RHOU: variants seen among roughly 807,000 people sequenced by gnomAD.
RHOU encodes the protein ras homolog family member U.
A neutral mutation model predicts 12.6 loss-of-function variants in RHOU; 8 were observed. That is an observed-to-expected ratio of 0.64 (90% CI 0.37 to 1.15). The LOEUF (loss-of-function observed/expected upper bound fraction) is 1.15, where lower values mean the gene tolerates loss of function less well. Ranked by LOEUF, RHOU falls within the 50% of genes most tolerant of loss-of-function variation. The pLI is 0.01. For missense variants in RHOU, 258 were observed against 347.0 expected, an observed-to-expected ratio of 0.74 and a Z score of 2.04; for synonymous variants, 161 against 147.4, an observed-to-expected ratio of 1.09 and a Z score of -0.67.
At chr1:228,690,820 G>T in the RHOU span, among the ~76,000 whole-genome samples, 1 of 151,366 alleles carries the variant, frequency 6.6e-6, no homozygotes, top group Non-Finnish European at 1.5e-5. Flanking sequence ...GTTTCACCAT[G>T]TTGGGCAGGC....
chr1:228,713,076 C>T, the RHOU span, among the ~76,000 whole-genome samples: 1 of 151,988 alleles, frequency 6.6e-6, no homozygotes, highest in African/African-American at 2.4e-5. Context: ...TGACCCATTT[C>T]CTGGCATACA....
chr1:228,700,221 G>T, the RHOU span, among the ~76,000 whole-genome samples: 8 of 152,328 alleles, frequency 5.3e-5, no homozygotes, highest in Non-Finnish European at 8.8e-5. Flanking sequence ...TATTAGATAA[G>T]TTATCATAAG....
At chr1:228,647,660 G>C in the RHOU span, among the ~76,000 whole-genome samples, 1 of 152,204 alleles carries the variant, frequency 6.6e-6, no homozygotes, top group Non-Finnish European at 1.5e-5. Flanking sequence ...CACCGCGAAC[G>C]GCAGGGAATC....
the RHOU span, among the ~76,000 whole-genome samples, chr1:228,672,404 C>T: frequency 0.11 from 16,474 of 152,226 alleles, 1,229 homozygotes; most frequent in Non-Finnish European, 0.16. Context: ...CTCAGATGGT[C>T]CACCTGCTTC....
the RHOU span, among the ~76,000 whole-genome samples, chr1:228,673,881 T>A: frequency 5.9e-5 from 9 of 152,246 alleles, no homozygotes; most frequent in Non-Finnish European, 1.0e-4. Context: ...CACATGTGAA[T>A]ACATTTCTAT....
the RHOU span, among the ~76,000 whole-genome samples, chr1:228,720,228 G>T: frequency 6.6e-6 from 1 of 152,132 alleles, no homozygotes; most frequent in East Asian, 1.9e-4. Flanking sequence ...AGTTTTTTGT[G>T]TGTGTACAAA....
the RHOU span, among the ~76,000 whole-genome samples, chr1:228,709,705 C>G: frequency 6.7e-6 from 1 of 148,670 alleles, no homozygotes; most frequent in Non-Finnish European, 1.5e-5. Context: ...CAAGAGAAAG[C>G]AGGAAAGATC....
At chr1:228,691,102 T>C in the RHOU span, among the ~76,000 whole-genome samples, 1 of 151,796 alleles carries the variant, frequency 6.6e-6, no homozygotes, top group African/African-American at 2.4e-5. Context: ...TTTTTTTAAA[T>C]AGACTTTATT....
chr1:228,689,275 G>C, the RHOU span, among the ~76,000 whole-genome samples: 1 of 151,686 alleles, frequency 6.6e-6, no homozygotes, highest in Non-Finnish European at 1.5e-5. Context: ...TATGTAATCT[G>C]TAGTAGAAGC....
At chr1:228,741,949 C>A (rs1038497553) in intron 2 of RHOU, among the ~76,000 whole-genome samples, 26 of 152,130 alleles carry the variant, frequency 1.7e-4, no homozygotes, top group Non-Finnish European at 3.5e-4. Flanking sequence ...AACATGGGGC[C>A]TCAAATGAAG....
In RHOU at chr1:228,737,487, G is replaced by A. The variant is rs139990920; in HGVS notation, c.263-186G>A. Among the ~76,000 whole-genome samples the A allele has an allele frequency of 6.6e-6, 1 of 152,294 alleles. No homozygotes were observed. Among genetic ancestry groups the A allele is most frequent in the East Asian group, 1.9e-4 (1 of 5,190 alleles). On this transcript the variant is annotated intron_variant, in intron 1 of 2. Coordinates refer to ENST00000366691, the MANE Select transcript of RHOU (RefSeq NM_021205.6). The surrounding 1 kb of genome is among the most constrained non-coding windows in gnomAD (Gnocchi z 4.1). Reference sequence around the variant, plus strand: ...ACGGTAATGGAGTGACTTGCCAGCCGTGGGTTTGTATACAAAAATGCCTCC... The same window carrying A: ...ACGGTAATGGAGTGACTTGCCAGCCATGGGTTTGTATACAAAAATGCCTCC...
upstream of RHOU, among the ~76,000 whole-genome samples, chr1:228,732,568 C>T (rs932130758): frequency 6.6e-6 from 1 of 152,076 alleles, no homozygotes; most frequent in African/African-American, 2.4e-5. Context: ...GTCTGATTTC[C>T]TATGTTGCCT....
At chr1:228,688,041 C>G in the RHOU span, among the ~76,000 whole-genome samples, 5 of 148,416 alleles carry the variant, frequency 3.4e-5, no homozygotes, top group African/African-American at 1.2e-4. Context: ...CCCACCCTCA[C>G]CCCACAAAAT....
chr1:228,699,831 C>T, the RHOU span, among the ~76,000 whole-genome samples: 5 of 152,062 alleles, frequency 3.3e-5, no homozygotes, highest in Non-Finnish European at 7.4e-5. Context: ...CATGGGAAAG[C>T]TTTCATACTA....
chr1:228,707,239 A>ACATATG, the RHOU span, among the ~76,000 whole-genome samples: 3 of 86,176 alleles, frequency 3.5e-5, no homozygotes, highest in African/African-American at 1.9e-4. Context: ...ACATATGTAT[A>ACATATG]TATATATATA....
At chr1:228,699,885 T>C in the RHOU span, among the ~76,000 whole-genome samples, 2 of 152,336 alleles carry the variant, frequency 1.3e-5, no homozygotes, top group East Asian at 3.9e-4. Context: ...GAAATCTCTC[T>C]ATAAATCTTT....
the RHOU span, among the ~76,000 whole-genome samples, chr1:228,714,740 C>CTTTTTTTTTTTTTTTTTTT: frequency 2.4e-5 from 2 of 83,684 alleles, no homozygotes; most frequent in African/African-American, 5.4e-5. Context: ...TGTTAATTAT[C>CTTTTTTTTTTTTTTTTTTT]TTTTTTTTTT....
the RHOU span, among the ~76,000 whole-genome samples, chr1:228,678,142 G>C: frequency 6.6e-6 from 1 of 152,170 alleles, no homozygotes; most frequent in Admixed American, 6.5e-5. Context: ...TAGAATAGCA[G>C]ATGGAACACT....
chr1:228,745,576 CTGAT>C lies in RHOU; in HGVS notation c.*1842_*1845del, dbSNP rs1352601801. ...TCTTTAAACCACTAAAATACATAGACTGATTGATTATTCAACACATTGGAATTGA... is the reference window on the plus strand; with the variant it reads ...TCTTTAAACCACTAAAATACATAGACTGATTATTCAACACATTGGAATTGA... On this transcript the variant is annotated 3_prime_UTR_variant, in exon 3 of 3. Transcript: ENST00000366691. 6.6e-6 allele frequency: 1 copy of C among 152,132 alleles called. No individual in the cohort carries two copies. The highest frequency in any genetic ancestry group is 2.4e-5 in the African/African-American group (1 of 41,426). The allele number at this position is 152,132 out of a possible 1,614,324, so 9.4% of individuals were successfully genotyped here. A position where few individuals can be genotyped will look rare whatever the true frequency, so the allele number is the denominator to read the frequency against.
Sources: gnomAD v4.1 joint callset for allele counts (sites outside exome capture counted in the v4.1 genomes callset) on GRCh38, gnomAD v4.1.1 for gene constraint, Gnocchi (gnomAD v3.1) non-coding constraint, MANE v1.5 for transcripts, NCBI Gene and HGNC (gene_info 2026-07-23, HGNC 2026-07-21) for gene names.